The following DOCK3 variants were observed in gnomAD, a reference collection of about 807,000 sequenced individuals.
DOCK3 encodes the protein dedicator of cytokinesis 3.
DOCK3 carries 60 observed loss-of-function variants against 265.6 expected under a neutral mutation model. The observed-to-expected ratio is 0.23, with a 90% CI of 0.18 to 0.28. The LOEUF (loss-of-function observed/expected upper bound fraction) is 0.28. Among genes scored for constraint, DOCK3 ranks in the 10% least tolerant of loss-of-function variants. The probability of loss-of-function intolerance (pLI) is 1.00; values close to 1 mark genes in which losing one functional copy is unlikely to be tolerated. For missense variants in DOCK3, 1,981 were observed against 2,594.3 expected, an observed-to-expected ratio of 0.76 and a Z score of 5.14; for synonymous variants, 881 against 938.0, an observed-to-expected ratio of 0.94 and a Z score of 1.11.
chr3:51,192,016 A>G (rs2087977596), intron 12 of DOCK3, among the ~76,000 whole-genome samples: 1 of 148,920 alleles, frequency 6.7e-6, no homozygotes, highest in East Asian at 2.1e-4. Flanking sequence ...TAAACAGACA[A>G]CCTCTTGAAA....
chr3:51,330,691 A>G (rs2084458832), intron 33 of DOCK3, among the ~76,000 whole-genome samples: 1 of 152,076 alleles, frequency 6.6e-6, no homozygotes, highest in Non-Finnish European at 1.5e-5. Context: ...GCCAGTTTTC[A>G]TGTTTGTGGA....
At chr3:50,869,342 A>ATTTTTTTTTTTTTTT (rs755531254) in intron 3 of DOCK3, among the ~76,000 whole-genome samples, 766 of 70,104 alleles carry the variant, frequency 0.011, 378 homozygotes, top group Middle Eastern at 0.019. Context: ...TCTGCTGGGA[A>ATTTTTTTTTTTTTTT]TTTTTTTTTT....
intron 9 of DOCK3, among the ~76,000 whole-genome samples, chr3:51,099,703 G>A (rs923436614): frequency 6.6e-6 from 1 of 152,108 alleles, no homozygotes; most frequent in Non-Finnish European, 1.5e-5. Flanking sequence ...ATATGGCAGT[G>A]GATAAAACAC....
At chr3:50,831,688 A>G (rs2045184604) in intron 2 of DOCK3, among the ~76,000 whole-genome samples, 1 of 152,202 alleles carries the variant, frequency 6.6e-6, no homozygotes, top group African/African-American at 2.4e-5. Flanking sequence ...TGCAATAAAC[A>G]TATGTGTGCA....
rs372372040 is a variant in DOCK3, at chr3:51,228,035, C to T, written c.1594C>T (p.Arg532Cys). The T allele has an allele frequency of 9.3e-6, 15 of 1,613,924 alleles. No individual in the cohort carries two copies. The Admixed American group carries it at 1.0e-4, about 11-fold the overall frequency. The change falls in exon 17 of 53, where the codon CGT becomes TGT. Residue 532 changes from arginine to cysteine, a missense_variant. By Grantham distance (180) the Arg-to-Cys change is radical (BLOSUM62 -3). Transcript: ENST00000266037. ...TGGCTTTGCATTCTCAACCCTGATG[C>T]GTGATGATGGCACCACCCTCTCAGA... Reference protein sequence around the residue: ...LFGFAFSTLMRDDGTTLSDDI... With the variant: ...LFGFAFSTLMCDDGTTLSDDI...
chr3:50,741,118 T>C (rs76019852), intron 1 of DOCK3, among the ~76,000 whole-genome samples: 1 of 151,464 alleles, frequency 6.6e-6, no homozygotes. Flanking sequence ...AGCTTCATTA[T>C]TTTTTTGGAT....
At chr3:50,746,230 C>G in intron 1 of DOCK3, among the ~76,000 whole-genome samples, 1 of 151,602 alleles carries the variant, frequency 6.6e-6, no homozygotes, top group Non-Finnish European at 1.5e-5. Context: ...TCTCAGCTTC[C>G]TGAGTAGCTA....
chr3:51,269,833 A>T (rs2080403195), intron 23 of DOCK3, among the ~76,000 whole-genome samples: 1 of 152,180 alleles, frequency 6.6e-6, no homozygotes, highest in Admixed American at 6.5e-5. Flanking sequence ...TAGAAACTTT[A>T]TGTAAAAATT....
chr3:51,105,417 C>G (rs1168398599), intron 9 of DOCK3, among the ~76,000 whole-genome samples: 1 of 152,076 alleles, frequency 6.6e-6, no homozygotes, highest in Non-Finnish European at 1.5e-5. Context: ...GGTGTATACC[C>G]AAGAGAAACA....
chr3:51,329,177 G>A (rs2084353280), intron 32 of DOCK3, among the ~76,000 whole-genome samples: 1 of 152,050 alleles, frequency 6.6e-6, no homozygotes, highest in Non-Finnish European at 1.5e-5. Flanking sequence ...TTAATAAAAG[G>A]TTAAAACAAT....
At position 50,784,594 on chromosome 3, in the gene DOCK3, T is replaced by C. The variant is rs138665036; in HGVS notation, c.121+5836T>C. Among the ~76,000 whole-genome samples the C allele has an allele frequency of 8.8e-3, 1,344 of 152,316 alleles. 26 individuals carry two copies. The highest frequency in any genetic ancestry group is 0.029 in the African/African-American group (1,197 of 41,564). On this transcript the variant is annotated intron_variant, in intron 2 of 52. Coordinates refer to ENST00000266037, the MANE Select transcript of DOCK3 (RefSeq NM_004947.5). ...GAATTGCATTAAATTTGTAGACTGC[T>C]TTTGGCAGTGTGTTCATTTTCACAA...
chr3:51,282,288 A>G (rs1300958366), intron 27 of DOCK3, among the ~76,000 whole-genome samples: 3 of 152,224 alleles, frequency 2.0e-5, no homozygotes, highest in African/African-American at 7.2e-5. Context: ...GTACAATTTA[A>G]TGCTTCTGAT....
At chr3:50,727,470 G>A (rs2037904262) in intron 1 of DOCK3, among the ~76,000 whole-genome samples, 1 of 152,152 alleles carries the variant, frequency 6.6e-6, no homozygotes, top group East Asian at 1.9e-4. Context: ...GGCCGAGGTG[G>A]GCAGATCACC....
intron 3 of DOCK3, among the ~76,000 whole-genome samples, chr3:50,856,539 GT>G (rs1157786225): frequency 6.6e-6 from 1 of 150,734 alleles, no homozygotes; most frequent in African/African-American, 2.4e-5. Flanking sequence ...GGGGTTATTT[GT>G]TTTTTTTCTT....
At chr3:51,122,138 G>A (rs183683696) in intron 9 of DOCK3, among the ~76,000 whole-genome samples, 1 of 152,284 alleles carries the variant, frequency 6.6e-6, no homozygotes, top group East Asian at 1.9e-4. Context: ...CGTATCATGA[G>A]CTCAGATTTA....
chr3:51,299,665 A>T (rs1560385448), intron 27 of DOCK3, among the ~76,000 whole-genome samples: 1 of 152,158 alleles, frequency 6.6e-6, no homozygotes, highest in Non-Finnish European at 1.5e-5. Flanking sequence ...ACCATTTATT[A>T]AATAGGGAAT....
chr3:51,031,122 T>C (rs2080031272), intron 5 of DOCK3, among the ~76,000 whole-genome samples: 1 of 152,228 alleles, frequency 6.6e-6, no homozygotes, highest in African/African-American at 2.4e-5. Flanking sequence ...CTTTTCAATT[T>C]GCTATGTCTA....
intron 5 of DOCK3, among the ~76,000 whole-genome samples, chr3:51,046,316 A>G (rs1044593496): frequency 8.5e-5 from 13 of 152,210 alleles, no homozygotes; most frequent in African/African-American, 3.1e-4. Context: ...TTTTAAAAAC[A>G]AGATCTAATT....
chr3:51,348,671 A>C (rs978314096), intron 38 of DOCK3, among the ~76,000 whole-genome samples, 181 bp from the exon 39 acceptor site: 1 of 152,246 alleles, frequency 6.6e-6, no homozygotes, highest in Non-Finnish European at 1.5e-5. Context: ...ACTATGCTTG[A>C]GCTAGAAAGC....
Sources: gnomAD v4.1 joint callset for allele counts (sites outside exome capture counted in the v4.1 genomes callset) on GRCh38, gnomAD v4.1.1 for gene constraint, MANE v1.5 for transcripts, NCBI Gene and HGNC (gene_info 2026-07-23, HGNC 2026-07-21) for gene names.